Variants in EIF3L observed in about 807,000 individuals in gnomAD.
EIF3L encodes eukaryotic translation initiation factor 3 subunit L, also known as eIEF associated protein HSPC021.
EIF3L carries 32 observed loss-of-function variants against 74.6 expected under a neutral mutation model. The ratio of observed to expected loss-of-function variants is 0.43; its 90% CI spans 0.32 to 0.58. EIF3L has a LOEUF of 0.58. Ranked by LOEUF, EIF3L falls within the 20% of genes least tolerant of loss-of-function variation. The pLI is 0.06. For missense variants in EIF3L, 474 were observed against 707.8 expected (o/e 0.67, Z 3.75); for synonymous variants, 256 against 254.4 (o/e 1.01, Z -0.06).
intron 7 of EIF3L, among the ~76,000 whole-genome samples, chr22:37,863,769 T>A (rs1925991343): frequency 6.6e-6 from 1 of 151,878 alleles, no homozygotes; most frequent in South Asian, 2.1e-4. Context: ...TTTTTTTTTT[T>A]AAGAGTCAGG....
chr22:37,874,457 T>A lies in EIF3L; in HGVS notation c.839T>A (p.Leu280Gln). The change falls in exon 9 of 13, where the codon CTG becomes CAG. Residue 280 changes from leucine to glutamine, a missense_variant. Transcript: ENST00000652021. ...TTCAGCCTGGTCGGGCTTCTCCGCC[T>A]GCACTCCCTGTTAGGAGATTACTAC... ...GYFSLVGLLRLHSLLGDYYQA... is the reference protein window; with the variant it reads ...GYFSLVGLLRQHSLLGDYYQA... 1 of 1,614,198 alleles carries A rather than the reference T, an allele frequency of 6.2e-7. No homozygotes were observed. Among genetic ancestry groups the A allele is most frequent in the Non-Finnish European group, 8.5e-7 (1 of 1,180,024 alleles).
intron 7 of EIF3L, among the ~76,000 whole-genome samples, chr22:37,864,063 CAA>C (rs556782593): frequency 2.2e-5 from 3 of 138,200 alleles, no homozygotes. Flanking sequence ...GACTCCATCT[CAA>C]AAAAAAAAAA....
At chr22:37,861,455 G>T (rs1484558173) in intron 5 of EIF3L, among the ~76,000 whole-genome samples, 1 of 152,150 alleles carries the variant, frequency 6.6e-6, no homozygotes, top group Non-Finnish European at 1.5e-5. Context: ...AGAGGCTAAG[G>T]CGGGTGGATC....
chr22:37,870,391 T>C, intron 8 of EIF3L, 44 bp downstream of exon 8: 1 of 1,543,610 alleles, frequency 6.5e-7, no homozygotes, highest in Non-Finnish European at 8.8e-7. Flanking sequence ...AATTTCCAGC[T>C]GCTTGCCATC....
intron 5 of EIF3L, among the ~76,000 whole-genome samples, chr22:37,861,426 C>G (rs767624855): frequency 6.6e-6 from 1 of 152,174 alleles, no homozygotes; most frequent in Non-Finnish European, 1.5e-5. Flanking sequence ...TGGCTTACGC[C>G]TGTAATCCCA....
At chr22:37,860,571 C>A (rs1273952082) in intron 5 of EIF3L, among the ~76,000 whole-genome samples, 1 of 152,164 alleles carries the variant, frequency 6.6e-6, no homozygotes, top group African/African-American at 2.4e-5. Flanking sequence ...CAGGGTTTCG[C>A]TATGTTGCCC....
intron 7 of EIF3L, among the ~76,000 whole-genome samples, chr22:37,864,570 ACT>A (rs1396156327): frequency 7.1e-6 from 1 of 141,790 alleles, no homozygotes; most frequent in African/African-American, 2.7e-5. Context: ...ATGGAGTCTG[ACT>A]CTGTTACCCA....
At chr22:37,856,151 A>G (rs1331047373) in intron 4 of EIF3L, among the ~76,000 whole-genome samples, 1 of 151,974 alleles carries the variant, frequency 6.6e-6, no homozygotes, top group East Asian at 1.9e-4. Context: ...TCCGCCTCCC[A>G]GGTTCAAGCG....
chr22:37,878,673 G>T (rs1312874992), intron 11 of EIF3L: 2 of 154,588 alleles, frequency 1.3e-5, no homozygotes, highest in Non-Finnish European at 2.9e-5. Context: ...ATGTTGGTCA[G>T]TCTGGTGTCA....
chr22:37,870,096 G>A, intron 7 of EIF3L, 80 bp from the exon 8 acceptor site: 2 of 1,320,772 alleles, frequency 1.5e-6, no homozygotes, highest in East Asian at 2.4e-5. Flanking sequence ...CCAGAGCATT[G>A]CCTCGTTTTC....
At chr22:37,876,085 T>G in intron 10 of EIF3L, 74 bp downstream of exon 10, 1 of 1,492,806 alleles carries the variant, frequency 6.7e-7, no homozygotes, top group Non-Finnish European at 9.1e-7. Flanking sequence ...CAACCATTCT[T>G]GGTAAACACC....
chr22:37,875,811 C>T, intron 9 of EIF3L, 30 bp from the exon 10 acceptor site: 3 of 1,598,510 alleles, frequency 1.9e-6, no homozygotes, highest in Middle Eastern at 3.3e-4. Context: ...AATTGGGACT[C>T]ATGAATGTTT....
In EIF3L at chr22:37,857,410, A is replaced by G. The variant is rs150735435; in HGVS notation, c.374-1269A>G. Among the ~76,000 whole-genome samples the G allele has an allele frequency of 2.2e-4, 32 of 148,000 alleles. No homozygotes were observed. In the East Asian group the frequency reaches 6.4e-3, roughly 30 times the overall value. ...AAAAAAAACCAATATTAAGTCCTCC[A>G]ATCTATGGACATGGGATGTCTTTGA... On this transcript the variant is annotated intron_variant, in intron 4 of 12. Coordinates refer to ENST00000652021, the MANE Select transcript of EIF3L (RefSeq NM_016091.4).
At chr22:37,877,539 G>C in intron 10 of EIF3L, 135 bp from the exon 11 acceptor site, 1 of 1,045,144 alleles carries the variant, frequency 9.6e-7, no homozygotes, top group South Asian at 1.6e-5. Context: ...AGAGATGTTG[G>C]GGAAGTTCAA....
chr22:37,885,562 G>A (rs1927275469), intron 11 of EIF3L: 1 of 148,724 alleles, frequency 6.7e-6, no homozygotes, highest in South Asian at 2.1e-4. Context: ...GTAAAATGGT[G>A]TTCAAAATAT....
chr22:37,888,473 A>G lies in EIF3L; in HGVS notation c.*9A>G, dbSNP rs1927435156. ...TGGGACAGAGACCTTGATGATATTC[A>G]CACACATTCAGGAACCTGTTTTGAT... On this transcript the variant is annotated 3_prime_UTR_variant, in exon 13 of 13. Coordinates refer to ENST00000652021, the MANE Select transcript of EIF3L (RefSeq NM_016091.4). 2 of 1,613,404 alleles carry G rather than the reference A, an allele frequency of 1.2e-6. No individual in the cohort carries two copies. Among genetic ancestry groups the G allele is most frequent in the Non-Finnish European group, 1.7e-6 (2 of 1,179,946 alleles).
intron 7 of EIF3L, among the ~76,000 whole-genome samples, chr22:37,867,809 G>A (rs1239666467): frequency 6.6e-6 from 1 of 151,462 alleles, no homozygotes; most frequent in African/African-American, 2.4e-5. Flanking sequence ...AAAAAAATTT[G>A]CCAGGCATGG....
intron 7 of EIF3L, among the ~76,000 whole-genome samples, chr22:37,868,659 T>TTTTTTTTTTTTTTTTTTTTG (rs1926307359): frequency 8.7e-6 from 1 of 114,426 alleles, no homozygotes; most frequent in Non-Finnish European, 1.7e-5. Flanking sequence ...TTTTTTTTTT[T>TTTTTTTTTTTTTTTTTTTTG]GAGACGGAGT....
chr22:37,858,999 C>T (rs1201375388), intron 5 of EIF3L, among the ~76,000 whole-genome samples: 4 of 151,844 alleles, frequency 2.6e-5, no homozygotes, highest in Non-Finnish European at 5.9e-5. Context: ...CACCCATGCA[C>T]TGGTTATAGG....
Sources: allele counts gnomAD v4.1 joint callset (sites outside exome capture counted in the v4.1 genomes callset), GRCh38; gene constraint gnomAD v4.1.1; transcripts MANE v1.5; gene names NCBI Gene and HGNC (gene_info 2026-07-23, HGNC 2026-07-21).